TMEM135: variants seen among roughly 807,000 people sequenced by gnomAD.
TMEM135 encodes the protein transmembrane protein 135, also known as peroxisomal membrane protein 52.
Under a neutral mutation model 60.3 loss-of-function variants are expected in TMEM135, and 30 were observed. That is an observed-to-expected ratio of 0.50 (90% CI 0.37 to 0.68). The LOEUF is 0.68. Ranked by LOEUF, TMEM135 falls within the 30% of genes least tolerant of loss-of-function variation. The pLI is 0.00. For missense variants in TMEM135, 468 were observed against 548.8 expected, an observed-to-expected ratio of 0.85 and a Z score of 1.47; for synonymous variants, 190 against 186.7, an observed-to-expected ratio of 1.02 and a Z score of -0.14.
chr11:87,150,130 T>A (rs774118164), intron 4 of TMEM135, among the ~76,000 whole-genome samples: 1 of 148,208 alleles, frequency 6.7e-6, no homozygotes, highest in African/African-American at 2.5e-5. Context: ...GACAGGAGAA[T>A]CGCTTGTACC....
At chr11:87,150,718 A>C (rs917499531) in intron 4 of TMEM135, among the ~76,000 whole-genome samples, 9 of 152,216 alleles carry the variant, frequency 5.9e-5, no homozygotes, top group African/African-American at 1.7e-4. Context: ...ATTTTCAAGA[A>C]CACCTAGTAA....
chr11:87,279,062 A>G (rs1481101859), intron 6 of TMEM135, among the ~76,000 whole-genome samples: 1 of 151,118 alleles, frequency 6.6e-6, no homozygotes, highest in Non-Finnish European at 1.5e-5. Context: ...GCAGTATTTT[A>G]TTATATGGAT....
At chr11:87,311,154 A>G (rs1001320716) in intron 10 of TMEM135, among the ~76,000 whole-genome samples, 2 of 151,622 alleles carry the variant, frequency 1.3e-5, no homozygotes, top group Non-Finnish European at 1.5e-5. Flanking sequence ...TTGTTGTTAA[A>G]TGCAGAGAAA....
chr11:87,160,862 A>G (rs567839378), intron 5 of TMEM135, among the ~76,000 whole-genome samples: 1 of 152,170 alleles, frequency 6.6e-6, no homozygotes, highest in Non-Finnish European at 1.5e-5. Flanking sequence ...TTTGTGCATT[A>G]ATTGACTCAC....
chr11:87,205,581 T>A (rs1940217227), intron 5 of TMEM135, among the ~76,000 whole-genome samples: 1 of 152,154 alleles, frequency 6.6e-6, no homozygotes. Flanking sequence ...TATACCAGTT[T>A]ATGTGAAACT....
intron 5 of TMEM135, among the ~76,000 whole-genome samples, chr11:87,168,747 A>T (rs1315593734): frequency 6.6e-6 from 1 of 152,150 alleles, no homozygotes; most frequent in Non-Finnish European, 1.5e-5. Context: ...TTTTAGAAGA[A>T]GTTCTATGTG....
intron 2 of TMEM135, among the ~76,000 whole-genome samples, chr11:87,069,280 G>A (rs1477191555): frequency 2.0e-4 from 15 of 76,788 alleles, no homozygotes; most frequent in African/African-American, 5.6e-4. Context: ...GTAAGACTCC[G>A]TCTCAAAAAA....
chr11:87,188,124 A>G (rs541369097), intron 5 of TMEM135, among the ~76,000 whole-genome samples: 2 of 152,290 alleles, frequency 1.3e-5, no homozygotes, highest in South Asian at 2.1e-4. Flanking sequence ...AGTTCAGCAG[A>G]TCGCTATGTG....
chr11:87,054,991 A>G (rs1043592089), intron 1 of TMEM135, among the ~76,000 whole-genome samples: 3 of 152,202 alleles, frequency 2.0e-5, no homozygotes, highest in Non-Finnish European at 2.9e-5. Context: ...GTTACCTACA[A>G]TGAGTAAGAA....
intron 6 of TMEM135, among the ~76,000 whole-genome samples, chr11:87,261,338 A>G (rs1415131215): frequency 1.3e-5 from 2 of 152,120 alleles, no homozygotes; most frequent in African/African-American, 2.4e-5. Context: ...CAAATCTTCT[A>G]TGTGGGTTAG....
intron 4 of TMEM135, among the ~76,000 whole-genome samples, chr11:87,137,145 G>A (rs1938123321): frequency 6.6e-6 from 1 of 151,954 alleles, no homozygotes; most frequent in Non-Finnish European, 1.5e-5. Flanking sequence ...TTTGATTCAT[G>A]TATTTTAAAG....
intron 14 of TMEM135, among the ~76,000 whole-genome samples, chr11:87,320,542 A>G (rs1212784274): frequency 6.6e-6 from 1 of 152,230 alleles, no homozygotes; most frequent in Non-Finnish European, 1.5e-5. Flanking sequence ...TTCTCCAGAA[A>G]GGAAATGCTT....
At chr11:87,287,534 G>A (rs1013807997) in intron 6 of TMEM135, among the ~76,000 whole-genome samples, 4 of 151,994 alleles carry the variant, frequency 2.6e-5, no homozygotes, top group Non-Finnish European at 2.9e-5. Context: ...AAAATTAGCC[G>A]GGCCTAGTGG....
At chr11:87,038,294 C>A in intron 1 of TMEM135, 108 bp downstream of exon 1, 1 of 1,313,218 alleles carries the variant, frequency 7.6e-7, no homozygotes. Flanking sequence ...GTGTCGGGCT[C>A]TCTTTTGGAG....
At chr11:87,122,457 T>G (rs1165508664) in intron 4 of TMEM135, among the ~76,000 whole-genome samples, 4 of 149,860 alleles carry the variant, frequency 2.7e-5, no homozygotes, top group Non-Finnish European at 5.9e-5. Flanking sequence ...ATTTATTTAT[T>G]TATTTATTAT....
intron 6 of TMEM135, among the ~76,000 whole-genome samples, chr11:87,252,638 G>A (rs1276558565): frequency 3.3e-5 from 5 of 151,906 alleles, no homozygotes; most frequent in African/African-American, 1.2e-4. Context: ...CAGGCATGGG[G>A]CACATGCCTG....
chr11:87,295,989 A>T (rs1026561864), intron 7 of TMEM135, among the ~76,000 whole-genome samples, 166 bp downstream of exon 7: 4 of 152,190 alleles, frequency 2.6e-5, no homozygotes, highest in African/African-American at 9.6e-5. Context: ...TGAAAGAGTA[A>T]TTTGTCAGAT....
chr11:87,095,978 A>C (rs1161682280), intron 4 of TMEM135: 1 of 167,036 alleles, frequency 6.0e-6, no homozygotes, highest in Admixed American at 5.8e-5. Flanking sequence ...TCCATCTCAA[A>C]AAAAAAAAAA....
chr11:87,152,137 A>G (rs1051097455), intron 4 of TMEM135, among the ~76,000 whole-genome samples: 3 of 151,854 alleles, frequency 2.0e-5, no homozygotes, highest in African/African-American at 2.4e-5. Flanking sequence ...ATGTCTTCTG[A>G]CTCTTCAGAG....
Sources: allele counts gnomAD v4.1 joint callset (sites outside exome capture counted in the v4.1 genomes callset), GRCh38; gene constraint gnomAD v4.1.1; transcripts MANE v1.5; gene names NCBI Gene and HGNC (gene_info 2026-07-23, HGNC 2026-07-21).